Variants in ASIC2 observed in about 807,000 individuals in gnomAD.
ASIC2 encodes acid sensing ion channel subunit 2.
A neutral mutation model predicts 57.3 loss-of-function variants in ASIC2; 25 were observed. The ratio of observed to expected loss-of-function variants is 0.44; its 90% confidence interval spans 0.32 to 0.61. ASIC2 has a LOEUF of 0.61. ASIC2 is among the 20% of genes least tolerant of loss of function. The pLI, the probability that ASIC2 is intolerant of heterozygous loss-of-function variation, is 0.06. For missense variants in ASIC2, 641 were observed against 738.1 expected, an observed-to-expected ratio of 0.87 and a Z score of 1.52; for synonymous variants, 319 against 307.5, an observed-to-expected ratio of 1.04 and a Z score of -0.39.
intron 1 of ASIC2, among the ~76,000 whole-genome samples, chr17:33,506,276 G>A (rs1389068865): frequency 6.6e-6 from 1 of 151,740 alleles, no homozygotes; most frequent in Non-Finnish European, 1.5e-5. Context: ...AGCTGGGTGT[G>A]GTGGCGGGCG....
chr17:33,579,708 C>G (rs575745384), intron 1 of ASIC2, among the ~76,000 whole-genome samples: 2 of 152,272 alleles, frequency 1.3e-5, no homozygotes, highest in South Asian at 4.2e-4. Context: ...TCGCAGCCAG[C>G]GTTACAACTG....
chr17:33,177,564 G>A (rs1237645433), intron 1 of ASIC2, among the ~76,000 whole-genome samples: 2 of 152,158 alleles, frequency 1.3e-5, no homozygotes, highest in Non-Finnish European at 2.9e-5. Context: ...AGGAAGTCGG[G>A]ATATATGACC....
chr17:33,291,131 G>A, intron 1 of ASIC2: 2 of 549,072 alleles, frequency 3.6e-6, no homozygotes, highest in East Asian at 6.5e-5. Flanking sequence ...GGGACCATAA[G>A]GAGTAGAATG....
chr17:33,458,327 G>T (rs947881983), intron 1 of ASIC2, among the ~76,000 whole-genome samples: 4 of 152,212 alleles, frequency 2.6e-5, no homozygotes, highest in Non-Finnish European at 5.9e-5. Flanking sequence ...CAGCACAAAG[G>T]CTAGGGAGCC....
chr17:33,639,761 GAA>G (rs3032192), intron 1 of ASIC2, among the ~76,000 whole-genome samples: 1 of 125,100 alleles, frequency 8.0e-6, no homozygotes. Context: ...CTCAGGTTAA[GAA>G]AAAAAAAAAA....
At position 33,951,957 on chromosome 17, in the gene ASIC2, G is replaced by A. The variant is rs73276607; in HGVS notation, c.555+204021C>T. Among the ~76,000 whole-genome samples, 4 of 152,186 alleles carry A rather than the reference G, an allele frequency of 2.6e-5. No individual in the cohort carries two copies. In the East Asian group the frequency reaches 5.8e-4, roughly 22 times the overall value. On this transcript the variant is annotated intron_variant, in intron 1 of 9. Coordinates refer to the ASIC2 transcript ENST00000359872. ...AATATCACCCTTGATACATTTCAGAGGAGGGGAGCACTGGTTACACACGTG... is the reference window on the plus strand; with the variant it reads ...AATATCACCCTTGATACATTTCAGAAGAGGGGAGCACTGGTTACACACGTG...
intron 3 of ASIC2, among the ~76,000 whole-genome samples, chr17:33,074,286 C>T (rs2092080869): frequency 6.6e-6 from 1 of 152,130 alleles, no homozygotes; most frequent in Non-Finnish European, 1.5e-5. Flanking sequence ...AAAAATAAAA[C>T]AAAAGCATGG....
intron 1 of ASIC2, among the ~76,000 whole-genome samples, chr17:33,819,552 A>C (rs1324448401): frequency 6.6e-6 from 1 of 152,246 alleles, no homozygotes; most frequent in Non-Finnish European, 1.5e-5. Flanking sequence ...CTCTAGAATT[A>C]AGTCTTCTTT....
intron 1 of ASIC2, among the ~76,000 whole-genome samples, chr17:33,697,926 T>A (rs967168978): frequency 3.3e-5 from 5 of 152,222 alleles, no homozygotes; most frequent in Non-Finnish European, 2.9e-5. Context: ...AGGGCTTGAT[T>A]ATTTTGGTTG....
In ASIC2 at chr17:33,971,386, C is replaced by A. The variant is rs1905225459; in HGVS notation, c.555+184592G>T. ...ATATTTGGCACCTGGAGAAGAGCAA[C>A]GGCAAGTCTAAAGGCAACCAGGAGA... On this transcript the variant is annotated intron_variant, in intron 1 of 9. Transcript: ENST00000359872. Among the ~76,000 whole-genome samples the A allele has an allele frequency of 2.0e-5, 3 of 152,132 alleles. No individual in the cohort carries two copies. In the South Asian group the frequency reaches 6.2e-4, roughly 32 times the overall value.
chr17:33,213,443 A>T (rs1238096203), intron 1 of ASIC2, among the ~76,000 whole-genome samples: 1 of 152,184 alleles, frequency 6.6e-6, no homozygotes, highest in Non-Finnish European at 1.5e-5. Context: ...CAGAGTTTTC[A>T]TGGGCCTGTT....
intron 1 of ASIC2, among the ~76,000 whole-genome samples, chr17:33,456,509 G>T (rs1166953206): frequency 6.6e-6 from 1 of 152,148 alleles, no homozygotes; most frequent in Non-Finnish European, 1.5e-5. Flanking sequence ...CCAGCTACTG[G>T]GTAGTGACTA....
At chr17:33,207,454 C>A (rs574081761) in intron 1 of ASIC2, among the ~76,000 whole-genome samples, 4 of 152,256 alleles carry the variant, frequency 2.6e-5, no homozygotes, top group African/African-American at 9.6e-5. Flanking sequence ...AACATCCCTG[C>A]GTGGTAGGCC....
At chr17:34,112,550 C>G (rs187167729) in intron 1 of ASIC2, among the ~76,000 whole-genome samples, 1 of 152,140 alleles carries the variant, frequency 6.6e-6, no homozygotes, top group Admixed American at 6.5e-5. Context: ...AAGAAACTCA[C>G]TCTTTGACCA....
At chr17:33,317,900 TGTGTGTG>T in intron 1 of ASIC2, among the ~76,000 whole-genome samples, 2 of 149,764 alleles carry the variant, frequency 1.3e-5, no homozygotes, top group Middle Eastern at 6.9e-3. Flanking sequence ...TGTGTGTGTG[TGTGTGTG>T]TGTGTGTGTG....
chr17:33,463,421 C>T (rs1050669398), intron 1 of ASIC2, among the ~76,000 whole-genome samples: 3 of 152,220 alleles, frequency 2.0e-5, no homozygotes, highest in African/African-American at 7.2e-5. Flanking sequence ...CATCTAAAAA[C>T]TACTCTTTGG....
At chr17:33,999,260 T>G (rs903815814) in intron 1 of ASIC2, among the ~76,000 whole-genome samples, 1 of 152,164 alleles carries the variant, frequency 6.6e-6, no homozygotes, top group African/African-American at 2.4e-5. Context: ...ATCTTAAAGC[T>G]GAAATAAATC....
intron 1 of ASIC2, among the ~76,000 whole-genome samples, chr17:33,311,490 G>T (rs1413568052): frequency 4.6e-5 from 7 of 151,906 alleles, no homozygotes; most frequent in Non-Finnish European, 1.5e-5. Flanking sequence ...AATAGTCAGG[G>T]TAGGGGAATG....
At chr17:33,912,031 T>C (rs148703209) in intron 1 of ASIC2, among the ~76,000 whole-genome samples, 7,342 of 150,508 alleles carry the variant, frequency 0.049, 271 homozygotes, top group Non-Finnish European at 0.074. Flanking sequence ...TCTCAGCTAC[T>C]TGGGAGGCTG....
Sources: gnomAD v4.1 joint callset for allele counts (sites outside exome capture counted in the v4.1 genomes callset) on GRCh38, gnomAD v4.1.1 for gene constraint, MANE v1.5 for transcripts, NCBI Gene and HGNC (gene_info 2026-07-23, HGNC 2026-07-21) for gene names.